The following SLIT2 variants were observed in gnomAD, a reference collection of about 807,000 sequenced individuals.
SLIT2 encodes slit guidance ligand 2.
Under a neutral mutation model 185.7 loss-of-function variants are expected in SLIT2, and 41 were observed. The observed-to-expected ratio is 0.22, with a 90% confidence interval of 0.17 to 0.29. The LOEUF is 0.29. Among genes scored for constraint, SLIT2 ranks in the 10% least tolerant of loss-of-function variants. The pLI is 1.00. For missense variants in SLIT2, 1,571 were observed against 1,909.0 expected (o/e 0.82, Z 3.30); for synonymous variants, 693 against 680.2 (o/e 1.02, Z -0.29).
intron 4 of SLIT2, among the ~76,000 whole-genome samples, chr4:20,378,783 A>G (rs528015087): frequency 9.9e-5 from 15 of 152,284 alleles, no homozygotes; most frequent in Admixed American, 3.9e-4. Flanking sequence ...GATCACCTGC[A>G]TACATATATT....
chr4:20,391,675 G>A (rs1017752462), intron 4 of SLIT2, among the ~76,000 whole-genome samples: 1 of 152,106 alleles, frequency 6.6e-6, no homozygotes, highest in Non-Finnish European at 1.5e-5. Context: ...TTGAGTAAAT[G>A]ATTGGCGACC....
chr4:20,325,881 C>A (rs1366242261), intron 4 of SLIT2, among the ~76,000 whole-genome samples: 36 of 152,000 alleles, frequency 2.4e-4, no homozygotes, highest in Admixed American at 2.4e-3. Flanking sequence ...TGCAATGTGA[C>A]CAATAAATAT....
At chr4:20,437,964 C>T (rs1460280554) in intron 4 of SLIT2, among the ~76,000 whole-genome samples, 1 of 151,772 alleles carries the variant, frequency 6.6e-6, no homozygotes, top group Non-Finnish European at 1.5e-5. Context: ...TCCTTGACTC[C>T]CCTCTTTACC....
chr4:20,457,425 A>G (rs1223584429), intron 4 of SLIT2, among the ~76,000 whole-genome samples: 2 of 152,028 alleles, frequency 1.3e-5, no homozygotes, highest in East Asian at 3.9e-4. Context: ...CAATTAAAAG[A>G]CATCATGTGA....
intron 34 of SLIT2, among the ~76,000 whole-genome samples, chr4:20,613,949 G>A (rs1560241274): frequency 6.6e-6 from 1 of 152,258 alleles, no homozygotes; most frequent in African/African-American, 2.4e-5. Flanking sequence ...TTGGCTCACT[G>A]CAACCTCCAC....
chr4:20,453,935 G>C (rs1352321254), intron 4 of SLIT2, among the ~76,000 whole-genome samples: 1 of 152,156 alleles, frequency 6.6e-6, no homozygotes, highest in Admixed American at 6.5e-5. Flanking sequence ...GTGGATTCAG[G>C]CACTCTGGTT....
At chr4:20,572,455 TTTTG>T (rs900100307) in intron 29 of SLIT2, among the ~76,000 whole-genome samples, 82 of 152,314 alleles carry the variant, frequency 5.4e-4, no homozygotes, top group African/African-American at 1.8e-3. Context: ...GATTTTGATT[TTTTG>T]TTTGGTTATT....
At position 20,288,785 on chromosome 4, in the gene SLIT2, C is replaced by T. The variant is rs533239223; in HGVS notation, c.395+19904C>T. On this transcript the variant is annotated intron_variant, in intron 4 of 36. Transcript: ENST00000504154. ...CTTTCTCCCTCTTCATTTCTCCAGC[C>T]TCACTGTCAGTGTCCAAAGGCTTTG... Among the ~76,000 whole-genome samples, 4 of 152,332 alleles carry T rather than the reference C, an allele frequency of 2.6e-5. No homozygotes were observed. The East Asian group carries it at 7.7e-4, about 29-fold the overall frequency.
chr4:20,368,747 T>G (rs926381695), intron 4 of SLIT2, among the ~76,000 whole-genome samples: 1 of 152,090 alleles, frequency 6.6e-6, no homozygotes, highest in Non-Finnish European at 1.5e-5. Context: ...ATATGAGGAA[T>G]TAAGGCAACC....
chr4:20,281,605 C>T (rs1424016454), intron 4 of SLIT2, among the ~76,000 whole-genome samples: 2 of 152,062 alleles, frequency 1.3e-5, no homozygotes, highest in African/African-American at 4.8e-5. Flanking sequence ...GAATTCCACA[C>T]CTAATGAATA....
At chr4:20,589,598 C>T (rs755244960) in intron 29 of SLIT2, 46 bp from the exon 30 acceptor site, 22 of 1,384,818 alleles carry the variant, frequency 1.6e-5, no homozygotes, top group Non-Finnish European at 2.2e-5. Flanking sequence ...TGGCAGGAAG[C>T]CTGTTGACCT....
At chr4:20,582,435 G>A (rs967869739) in intron 29 of SLIT2, among the ~76,000 whole-genome samples, 2 of 152,164 alleles carry the variant, frequency 1.3e-5, no homozygotes, top group East Asian at 1.9e-4. Context: ...CGGGTGATAC[G>A]TTCCAAGACC....
chr4:20,541,000 T>C (rs1481022257), intron 19 of SLIT2, among the ~76,000 whole-genome samples: 6 of 152,184 alleles, frequency 3.9e-5, no homozygotes, highest in Admixed American at 3.9e-4. Flanking sequence ...AATCTTGAGA[T>C]GACAAATTAA....
chr4:20,281,493 A>C (rs571063870), intron 4 of SLIT2, among the ~76,000 whole-genome samples: 4 of 152,318 alleles, frequency 2.6e-5, no homozygotes, highest in African/African-American at 9.6e-5. Flanking sequence ...GAATGTGTGG[A>C]ACCTGAATAC....
chr4:20,580,279 C>A (rs971649055), intron 29 of SLIT2, among the ~76,000 whole-genome samples: 2 of 151,162 alleles, frequency 1.3e-5, no homozygotes, highest in Admixed American at 6.6e-5. Context: ...CTCAGGTGAT[C>A]CACGCACCTC....
At chr4:20,513,652 C>T (rs978989105) in intron 11 of SLIT2, among the ~76,000 whole-genome samples, 3 of 151,948 alleles carry the variant, frequency 2.0e-5, no homozygotes, top group Non-Finnish European at 4.4e-5. Context: ...ATAAAATTTA[C>T]CTATATTTAT....
At chr4:20,515,847 G>T (rs940900172) in intron 11 of SLIT2, among the ~76,000 whole-genome samples, 1 of 151,946 alleles carries the variant, frequency 6.6e-6, no homozygotes, top group Non-Finnish European at 1.5e-5. Context: ...ACGGAGTCTC[G>T]CACTGTCACC....
In SLIT2 at chr4:20,472,621, GATATATCT is replaced by G. The variant is rs1353485351; in HGVS notation, c.467+4805_467+4812del. 2.9e-5 allele frequency among the ~76,000 whole-genome samples: 2 copies of G among 69,946 alleles called. 1 individual carries two copies. The highest frequency in any genetic ancestry group is 4.9e-5 in the Non-Finnish European group (2 of 41,114). The allele number at this position is 69,946 out of a possible 152,430, so 45.9% of individuals were successfully genotyped here. ...ATCTATAGATATATCTATATATATC[GATATATCT>G]ATATATATCGATATATATATTTAAA... On this transcript the variant is annotated intron_variant, in intron 5 of 36. Coordinates refer to ENST00000504154, the MANE Select transcript of SLIT2 (RefSeq NM_004787.4).
intron 4 of SLIT2, among the ~76,000 whole-genome samples, chr4:20,394,193 A>G (rs1725689652): frequency 6.6e-6 from 1 of 151,890 alleles, no homozygotes; most frequent in Non-Finnish European, 1.5e-5. Flanking sequence ...AGGGTTTTCA[A>G]TGAAAAAAAA....
Sources: allele counts gnomAD v4.1 joint callset (sites outside exome capture counted in the v4.1 genomes callset), GRCh38; gene constraint gnomAD v4.1.1; transcripts MANE v1.5; gene names NCBI Gene and HGNC (gene_info 2026-07-23, HGNC 2026-07-21).